DNAAF11: variants seen among roughly 807,000 people sequenced by gnomAD.
DNAAF11 encodes dynein axonemal assembly factor 11, also known as leucine rich repeat containing 6.
Under a neutral mutation model 60.8 loss-of-function variants are expected in DNAAF11, and 45 were observed. The observed-to-expected ratio is 0.74, with a 90% CI of 0.58 to 0.95. DNAAF11 has a LOEUF of 0.95. Ranked by LOEUF, DNAAF11 falls within the 40% of genes least tolerant of loss-of-function variation. DNAAF11 has a pLI of 0.00. For synonymous variants in DNAAF11, 191 were observed against 183.5 expected, an observed-to-expected ratio of 1.04 and a Z score of -0.33; for missense variants, 546 against 546.2, an observed-to-expected ratio of 1.00 and a Z score of 0.00.
At position 132,589,953 on chromosome 8, in the gene DNAAF11, A is replaced by G. The variant is rs369118954; in HGVS notation, c.1141-6174T>C. On this transcript the variant is annotated intron_variant, in intron 10 of 11. Coordinates refer to ENST00000620350, the MANE Select transcript of DNAAF11 (RefSeq NM_012472.6). The stretch of plus-strand genomic sequence containing the variant: ...GGGATGGTTTCTTAAAATGAACTGA[A>G]CATTAATAAATGATTTTTACACTCT... Among the ~76,000 whole-genome samples the G allele has an allele frequency of 5.3e-5, 8 of 152,198 alleles. No individual in the cohort carries two copies. The East Asian group carries it at 9.7e-4, about 18-fold the overall frequency.
At chr8:132,662,598 T>C (rs1447407887) in intron 1 of DNAAF11, among the ~76,000 whole-genome samples, 1 of 152,236 alleles carries the variant, frequency 6.6e-6, no homozygotes, top group Non-Finnish European at 1.5e-5. Context: ...CATGTATTAA[T>C]ATATGACTAT....
At chr8:132,697,796 A>G in the DNAAF11 span, among the ~76,000 whole-genome samples, 2 of 152,232 alleles carry the variant, frequency 1.3e-5, no homozygotes, top group South Asian at 2.1e-4. Context: ...TTGCACGTAG[A>G]AGCAGCAGCA....
At chr8:132,635,772 T>C (rs1821233275) in intron 4 of DNAAF11, among the ~76,000 whole-genome samples, 1 of 152,188 alleles carries the variant, frequency 6.6e-6, no homozygotes, top group Non-Finnish European at 1.5e-5. Context: ...ACAGGGTCAC[T>C]ATGGATATAA....
intron 1 of DNAAF11, among the ~76,000 whole-genome samples, chr8:132,668,227 G>C (rs1343114625): frequency 6.6e-6 from 1 of 152,146 alleles, no homozygotes; most frequent in Non-Finnish European, 1.5e-5. Context: ...GTCTTTTCTT[G>C]CTGACCCAGG....
intron 5 of DNAAF11, among the ~76,000 whole-genome samples, chr8:132,630,811 AT>A (rs915403431): frequency 6.6e-6 from 1 of 152,166 alleles, no homozygotes; most frequent in Non-Finnish European, 1.5e-5. Context: ...ATGCAAATTA[AT>A]TTTTTTAAAA....
chr8:132,653,870 T>A (rs1002599243), intron 3 of DNAAF11, among the ~76,000 whole-genome samples: 1 of 152,050 alleles, frequency 6.6e-6, no homozygotes, highest in Non-Finnish European at 1.5e-5. Context: ...ATAAGATATA[T>A]AGAAAACACA....
At position 132,622,663 on chromosome 8, in the gene DNAAF11, G is replaced by T. The variant is rs1819877019; in HGVS notation, c.862C>A (p.Pro288Thr). ...CCATCTTCAGTGATCAAAGTCCTGG[G>T]TGGTTTCACTTTCTTCTTTTTTTCA... ...LSEKKKKVKP[P>T]RTLITEDGKA... Residue 288 changes from proline (P) to threonine (T), a missense_variant, in exon 7 of 12, where the codon CCC (proline) becomes ACC (threonine). Physicochemically the swap from Pro to Thr is conservative, Grantham distance 38. Coordinates refer to ENST00000620350, the MANE Select transcript of DNAAF11 (RefSeq NM_012472.6). The T allele has an allele frequency of 6.2e-7, 1 of 1,613,542 alleles. No homozygotes were observed.
chr8:132,699,399 A>G, the DNAAF11 span, among the ~76,000 whole-genome samples: 1 of 152,152 alleles, frequency 6.6e-6, no homozygotes, highest in South Asian at 2.1e-4. Context: ...AGGCGCTGTG[A>G]TGTACTAAGC....
intron 8 of DNAAF11, among the ~76,000 whole-genome samples, chr8:132,611,733 A>G (rs1586576906): frequency 6.6e-6 from 1 of 152,190 alleles, no homozygotes; most frequent in Middle Eastern, 3.4e-3. Context: ...GAGGCCTGCA[A>G]CCACCAGCTC....
At chr8:132,625,543 C>A in intron 5 of DNAAF11, 89 bp from the exon 6 acceptor site, 1 of 943,086 alleles carries the variant, frequency 1.1e-6, no homozygotes, top group East Asian at 2.6e-5. Flanking sequence ...ATACACTTTT[C>A]TTATGTGATC....
At position 132,625,316 on chromosome 8, in the gene DNAAF11, A is replaced by T. The variant is rs749619903; in HGVS notation, c.792T>A (p.Thr264=). The stretch of plus-strand genomic sequence containing the variant: ...TCCGTTGTTTTTCCATGTGTCTAAG[A>T]GTTTCCAATCTTGATTCAGGAGTAA... ...CLFTPESRLE[T]LRHMEKQRKK... The change falls in exon 6 of 12, where the codon ACT becomes ACA. Residue 264 remains threonine (T), a synonymous_variant. Coordinates refer to ENST00000620350, the MANE Select transcript of DNAAF11 (RefSeq NM_012472.6). 2 of 1,613,016 alleles carry T rather than the reference A, an allele frequency of 1.2e-6. No individual in the cohort carries two copies. Among genetic ancestry groups the T allele is most frequent in the South Asian group, 1.1e-5 (1 of 90,722 alleles).
intron 7 of DNAAF11, among the ~76,000 whole-genome samples, chr8:132,617,700 C>T (rs1319109006): frequency 1.3e-5 from 2 of 152,062 alleles, no homozygotes; most frequent in Non-Finnish European, 2.9e-5. Context: ...TGTCTTTTTG[C>T]TTCAAAGAGA....
At chr8:132,702,781 C>G in the DNAAF11 span, among the ~76,000 whole-genome samples, 22 of 152,142 alleles carry the variant, frequency 1.4e-4, no homozygotes, top group Non-Finnish European at 2.8e-4. Context: ...AAAGTGAAAG[C>G]AGTTAAGTAG....
intron 11 of DNAAF11, among the ~76,000 whole-genome samples, chr8:132,581,493 T>C (rs1815320790): frequency 6.6e-6 from 1 of 151,362 alleles, no homozygotes; most frequent in Non-Finnish European, 1.5e-5. Context: ...CTACTAAAAA[T>C]ACAAAAATTA....
At chr8:132,664,574 ACCT>A (rs1398087043) in intron 1 of DNAAF11, among the ~76,000 whole-genome samples, 5 of 151,508 alleles carry the variant, frequency 3.3e-5, no homozygotes, top group Admixed American at 1.3e-4. Flanking sequence ...GGATCCTCCT[ACCT>A]CAGCCTTCTG....
intron 5 of DNAAF11, among the ~76,000 whole-genome samples, chr8:132,632,450 C>A (rs953862412): frequency 6.6e-6 from 1 of 152,138 alleles, no homozygotes; most frequent in African/African-American, 2.4e-5. Flanking sequence ...AATCAAAGTA[C>A]ACCTGTTAAT....
intron 5 of DNAAF11, among the ~76,000 whole-genome samples, chr8:132,627,060 A>C (rs1001892911): frequency 2.0e-5 from 3 of 152,214 alleles, no homozygotes; most frequent in African/African-American, 7.2e-5. Context: ...AATAAGCAAA[A>C]TAATGCAAAT....
the DNAAF11 span, among the ~76,000 whole-genome samples, chr8:132,699,871 CCA>C: frequency 6.6e-6 from 1 of 152,110 alleles, no homozygotes; most frequent in East Asian, 1.9e-4. Flanking sequence ...TCATATGATT[CCA>C]GTTATATGAA....
At chr8:132,584,519 C>A (rs1815676696) in intron 10 of DNAAF11, among the ~76,000 whole-genome samples, 1 of 152,184 alleles carries the variant, frequency 6.6e-6, no homozygotes, top group African/African-American at 2.4e-5. Flanking sequence ...AATTTCTCCA[C>A]CCCTCAACAT....
Sources: gnomAD v4.1 joint callset for allele counts (sites outside exome capture counted in the v4.1 genomes callset) on GRCh38, gnomAD v4.1.1 for gene constraint, MANE v1.5 for transcripts, NCBI Gene and HGNC (gene_info 2026-07-23, HGNC 2026-07-21) for gene names.